SPTB: variants seen among roughly 807,000 people sequenced by gnomAD.
SPTB encodes spectrin beta, erythrocytic.
SPTB carries 45 observed loss-of-function variants against 256.2 expected under a neutral mutation model. The observed-to-expected ratio is 0.18, with a 90% CI of 0.14 to 0.23. The LOEUF is 0.23. Ranked by LOEUF, SPTB falls within the 10% of genes least tolerant of loss-of-function variation. The pLI is 1.00. For synonymous variants in SPTB, 1,231 were observed against 1,243.1 expected, an observed-to-expected ratio of 0.99 and a Z score of 0.21; for missense variants, 2,715 against 3,040.4, an observed-to-expected ratio of 0.89 and a Z score of 2.52.
chr14:64,749,692 T>A lies in SPTB; in HGVS notation c.6781A>T (p.Ser2261Cys). The change falls in exon 35 of 36, where the codon AGT (serine) becomes TGT (cysteine). Residue 2261 changes from serine (S) to cysteine (C), a missense_variant. Around this residue, in one of 4 missense-constraint regions of SPTB, gnomAD observed 2,239 missense variants for 2,384.4 expected, o/e 0.94. Coordinates refer to ENST00000644917, the MANE Select transcript of SPTB (RefSeq NM_001355436.2). The surrounding 1 kb of genome is among the most constrained non-coding windows in gnomAD (Gnocchi z 4.7). Reference sequence around the variant, plus strand: ...TGGAAGAGCCACTCGCTGCCATTACTCAGCCTAGGAGGACAAAGGGTTTCC... The same window carrying A: ...TGGAAGAGCCACTCGCTGCCATTACACAGCCTAGGAGGACAAAGGGTTTCC... Reference protein sequence around the residue: ...KKKHVFKLRLSNGSEWLFHGK... With the variant: ...KKKHVFKLRLCNGSEWLFHGK... The A allele has an allele frequency of 6.2e-7, 1 of 1,613,768 alleles. No individual in the cohort carries two copies. Among genetic ancestry groups the A allele is most frequent in the Non-Finnish European group, 8.5e-7 (1 of 1,179,928 alleles).
rs17102119 is a variant in SPTB at position 64,801,382 on chromosome 14, A to G, written c.666T>C (p.Phe222=). 13,773 of 1,614,164 alleles carry G rather than the reference A, an allele frequency of 8.5e-3. 313 individuals carry two copies. Among genetic ancestry groups the G allele is most frequent in the Admixed American group, 0.056 (3,379 of 60,028 alleles). ...GGGCATTGGAGTCCTTCAGCTTATC[A>G]AAGTCGATCAGGTCGGGCCTGGGGA... is the stretch of plus-strand genomic sequence containing the variant. The part of the protein sequence containing the change: ...IHKHRPDLID[F]DKLKDSNARH... The change falls in exon 7 of 36, where the codon TTT becomes TTC. Residue 222 remains phenylalanine, a synonymous_variant. Transcript: ENST00000644917.
In SPTB at chr14:64,758,649, C is replaced by T. The variant is rs567491450; in HGVS notation, c.6346-4856G>A. 7.9e-4 allele frequency among the ~76,000 whole-genome samples: 120 copies of T among 152,336 alleles called. No individual in the cohort carries two copies. The highest frequency in any genetic ancestry group is 2.0e-3 in the Admixed American group (31 of 15,302). ...GTGTCTAGATATATATCCAAGAGGT[C>T]AAATCCTTTTCTGAAGCAGAACCAT... On this transcript the variant is annotated intron_variant, in intron 32 of 35. Coordinates refer to ENST00000644917, the MANE Select transcript of SPTB (RefSeq NM_001355436.2). The surrounding 1 kb of genome is among the most constrained non-coding windows in gnomAD (Gnocchi z 4.6).
rs2081984339 is a variant in SPTB, at chr14:64,753,764, G to A, written c.6375C>T (p.Asn2125=). 1 of 1,613,366 alleles carries A rather than the reference G, an allele frequency of 6.2e-7. No homozygotes were observed. The highest frequency in any genetic ancestry group is 1.3e-5 in the African/African-American group (1 of 74,908). Reference sequence around the variant, plus strand: ...GACCCGGCGGTGGTGGCTGCTGCAGGTTCTGAGGCCACGTTCCCTCTTCTT... The same window carrying A: ...GACCCGGCGGTGGTGGCTGCTGCAGATTCTGAGGCCACGTTCCCTCTTCTT... ...PGEEEGTWPQ[N]LQQPPPPGQH... The change falls in exon 33 of 36, where the codon AAC becomes AAT. Residue 2125 remains asparagine, a synonymous_variant. Coordinates refer to ENST00000644917, the MANE Select transcript of SPTB (RefSeq NM_001355436.2).
intron 2 of SPTB, among the ~76,000 whole-genome samples, chr14:64,808,356 C>T (rs1043253401): frequency 7.2e-5 from 11 of 152,096 alleles, no homozygotes; most frequent in African/African-American, 2.4e-4. Context: ...TTGTGGCCAT[C>T]CTCATTCCCT....
Position 64,778,464 on chromosome 14 carries a change from C to T in SPTB, c.4563+693G>A, listed in dbSNP as rs201070752. On this transcript the variant is annotated intron_variant, in intron 22 of 35. Coordinates refer to ENST00000644917, the MANE Select transcript of SPTB (RefSeq NM_001355436.2). This position sits in a 1 kb window ranked among gnomAD's most constrained non-coding sequence, Gnocchi z 5.2. ...AAGGGTCTGTGGCCATTCCCCTGGC[C>T]GCTGCGACCCCACACAGCCAGCTTC... is the stretch of plus-strand genomic sequence containing the variant. 9.2e-5 allele frequency among the ~76,000 whole-genome samples: 14 copies of T among 152,228 alleles called. No individual in the cohort carries two copies. In the East Asian group the frequency reaches 9.7e-4, roughly 11 times the overall value.
In SPTB at chr14:64,823,037, T is replaced by C. The variant is rs2139701546; in HGVS notation, c.58A>G (p.Asn20Asp). Residue 20 changes from asparagine (N) to aspartate (D), a missense_variant, in exon 2 of 36, where the codon AAT (asparagine) becomes GAT (aspartate). Physicochemically the swap from Asn to Asp is conservative, Grantham distance 23 (BLOSUM62 1). This residue lies in a region of SPTB where 58 missense variants were observed against 67.9 expected (regional missense o/e 0.85). Coordinates refer to ENST00000644917, the MANE Select transcript of SPTB (RefSeq NM_001355436.2). The surrounding 1 kb of genome is among the most constrained non-coding windows in gnomAD (Gnocchi z 6.5). Reference sequence around the variant, plus strand: ...TCGTCTGGGGCGTCCCAGCGGGCATTGATCCTGCTGTAAGGTGGCTGGTTG... The same window carrying C: ...TCGTCTGGGGCGTCCCAGCGGGCATCGATCCTGCTGTAAGGTGGCTGGTTG... ...VGNQPPYSRI[N>D]ARWDAPDDEL... is the part of the protein sequence containing the mutation. 1.2e-6 allele frequency: 2 copies of C among 1,614,190 alleles called. No individual in the cohort carries two copies. The highest frequency in any genetic ancestry group is 8.5e-7 in the Non-Finnish European group (1 of 1,180,036).
In SPTB at chr14:64,786,097, C is replaced by T; in HGVS notation, c.3562-146G>A. 1 of 874,756 alleles carries T rather than the reference C, an allele frequency of 1.1e-6. No homozygotes were observed. The highest frequency in any genetic ancestry group is 3.3e-4 in the Middle Eastern group (1 of 3,046). 54.2% of individuals were successfully genotyped at this position (874,756 alleles called of 1,614,324 possible). A position where few individuals can be genotyped will look rare whatever the true frequency, so the allele number is the denominator to read the frequency against. ...TAGTACAGGGAGGAGGCACTACTCC[C>T]CAGGCCTTGCCCCCACCCCTACCCC... On this transcript the variant is annotated intron_variant, in intron 16 of 35. Coordinates refer to ENST00000644917, the MANE Select transcript of SPTB (RefSeq NM_001355436.2). This position sits in a 1 kb window ranked among gnomAD's most constrained non-coding sequence, Gnocchi z 5.6.
At position 64,785,751 on chromosome 14, in the gene SPTB, G is replaced by A. The variant is rs754939592; in HGVS notation, c.3762C>T (p.Asp1254=). 4 of 1,614,080 alleles carry A rather than the reference G, an allele frequency of 2.5e-6. No homozygotes were observed. The Admixed American group carries it at 5.0e-5, about 20-fold the overall frequency. Residue 1254 remains aspartate, a splice_region_variant and synonymous_variant, in exon 17 of 36, where the codon GAC becomes GAT. Coordinates refer to ENST00000644917, the MANE Select transcript of SPTB (RefSeq NM_001355436.2). This position sits in a 1 kb window ranked among gnomAD's most constrained non-coding sequence, Gnocchi z 4.4. ...KIKEKVQLIE[D]RHRKNNEKAQ... ...GTGGCCCTGGGGCCCGGGAGTACCTGTCCTCAATCAGCTGCACCTTCTCCT... is the reference window on the plus strand; with the variant it reads ...GTGGCCCTGGGGCCCGGGAGTACCTATCCTCAATCAGCTGCACCTTCTCCT...
Position 64,800,798 on chromosome 14 carries a change from G to A in SPTB, c.834C>T (p.Ser278=). The change falls in exon 8 of 36, where the codon TCC becomes TCT. Residue 278 remains serine (S), a synonymous_variant. Transcript: ENST00000644917. ...TYVVAFYHYF[S]KMKVLAVEGK... is the part of the protein sequence containing the mutation. ...CCTCCACTGCCAGCACCTTCATCTT[G>A]GAGAAGTAGTGGTAAAAGGCCACCA... 1.9e-6 allele frequency: 3 copies of A among 1,614,224 alleles called. No individual in the cohort carries two copies. The highest frequency in any genetic ancestry group is 1.7e-5 in the Admixed American group (1 of 60,030).
chr14:64,825,395 G>T lies in SPTB; in HGVS notation c.-51-2250C>A, dbSNP rs573131109. Among the ~76,000 whole-genome samples the T allele has an allele frequency of 6.6e-6, 1 of 152,294 alleles. No homozygotes were observed. The highest frequency in any genetic ancestry group is 2.1e-4 in the South Asian group (1 of 4,820). On this transcript the variant is annotated intron_variant, in intron 1 of 35. Coordinates refer to ENST00000644917, the MANE Select transcript of SPTB (RefSeq NM_001355436.2). The surrounding 1 kb of genome is among the most constrained non-coding windows in gnomAD (Gnocchi z 4.8). ...CTGCAGATGGACTTGCTGCTTCCAG[G>T]ACTGAGATTTCGCACCCAACTGGCT...
intron 2 of SPTB, among the ~76,000 whole-genome samples, chr14:64,821,335 C>T (rs2083283352): frequency 6.6e-6 from 1 of 152,218 alleles, no homozygotes; most frequent in South Asian, 2.1e-4. Flanking sequence ...TCTCCCCTTT[C>T]ATGGTTGGCC....
intron 32 of SPTB, among the ~76,000 whole-genome samples, chr14:64,762,774 C>T (rs752369907): frequency 1.3e-5 from 2 of 152,180 alleles, no homozygotes; most frequent in African/African-American, 2.4e-5. Flanking sequence ...AGGCTGATAA[C>T]GAGGGGGCAC....
intron 32 of SPTB, chr14:64,756,844 T>C (rs1045559511): frequency 6.6e-6 from 1 of 152,254 alleles, no homozygotes; most frequent in Admixed American, 6.5e-5. Context: ...CTCCTCTCTA[T>C]GCATCTGGCA....
intron 27 of SPTB, among the ~76,000 whole-genome samples, chr14:64,770,102 T>C (rs534345136): frequency 6.6e-6 from 1 of 152,348 alleles, no homozygotes; most frequent in African/African-American, 2.4e-5. Flanking sequence ...ATTCCATTTA[T>C]ATGAAATGTC....
Position 64,870,716 on chromosome 14 carries a change from C to A in SPTB, c.-52+9076G>T, listed in dbSNP as rs1186267113. Reference sequence around the variant, plus strand: ...ATACCAAGGGGAAATATTAAAATTGCATGGACGGGTTCCTTAAAAGATTAT... The same window carrying A: ...ATACCAAGGGGAAATATTAAAATTGAATGGACGGGTTCCTTAAAAGATTAT... On this transcript the variant is annotated intron_variant, in intron 1 of 35. Coordinates refer to ENST00000644917, the MANE Select transcript of SPTB (RefSeq NM_001355436.2). Among the ~76,000 whole-genome samples, 5 of 152,330 alleles carry A rather than the reference C, an allele frequency of 3.3e-5. No homozygotes were observed. The South Asian group carries it at 8.3e-4, about 25-fold the overall frequency.
chr14:64,780,919 C>T (rs2082458837), intron 20 of SPTB, among the ~76,000 whole-genome samples: 1 of 152,076 alleles, frequency 6.6e-6, no homozygotes, highest in South Asian at 2.1e-4. Context: ...GAAATAAGGC[C>T]ACACACCTAC....
At position 64,807,130 on chromosome 14, in the gene SPTB, C is replaced by T. The variant is rs2082999311; in HGVS notation, c.149-2040G>A. Among the ~76,000 whole-genome samples the T allele has an allele frequency of 6.6e-6, 1 of 152,190 alleles. No homozygotes were observed. The highest frequency in any genetic ancestry group is 2.4e-5 in the African/African-American group (1 of 41,446). On this transcript the variant is annotated intron_variant, in intron 2 of 35. Transcript: ENST00000644917. This position sits in a 1 kb window ranked among gnomAD's most constrained non-coding sequence, Gnocchi z 4.7. ...AGTCCCACAGTTTTTTCCCTAGAAA[C>T]CAGATCTATTCTTTAAGTAGCTAAC...
At position 64,853,305 on chromosome 14, in the gene SPTB, A is replaced by G. The variant is rs1161915069; in HGVS notation, c.-52+26487T>C. ...CCAAAAGGGGCCAAGATTGTCCCCAAAGAGGGTTTAGGCTGCCCAGAATAG... is the reference window on the plus strand; with the variant it reads ...CCAAAAGGGGCCAAGATTGTCCCCAGAGAGGGTTTAGGCTGCCCAGAATAG... On this transcript the variant is annotated intron_variant, in intron 1 of 35. Transcript: ENST00000644917. The surrounding 1 kb of genome is among the most constrained non-coding windows in gnomAD (Gnocchi z 4.3). Among the ~76,000 whole-genome samples the G allele has an allele frequency of 2.0e-5, 3 of 152,216 alleles. No individual in the cohort carries two copies. Among genetic ancestry groups the G allele is most frequent in the African/African-American group, 7.2e-5 (3 of 41,458 alleles).
intron 2 of SPTB, among the ~76,000 whole-genome samples, chr14:64,810,416 C>T (rs942905363): frequency 9.9e-5 from 15 of 152,190 alleles, no homozygotes; most frequent in African/African-American, 9.7e-5. Flanking sequence ...TGGTGGCTCA[C>T]GCCTGTAATT....
Sources: gnomAD v4.1 joint callset for allele counts (sites outside exome capture counted in the v4.1 genomes callset) on GRCh38, gnomAD v4.1.1 for gene constraint, gnomAD v4.1.1 regional missense constraint, Gnocchi (gnomAD v3.1) non-coding constraint, MANE v1.5 for transcripts, NCBI Gene and HGNC (gene_info 2026-07-23, HGNC 2026-07-21) for gene names.